LEPR: variants seen among roughly 807,000 people sequenced by gnomAD.
LEPR encodes leptin receptor, also known as OB receptor.
In LEPR, 56 loss-of-function variants were observed where a neutral mutation model predicts 114.7. The ratio of observed to expected loss-of-function variants is 0.49; its 90% CI spans 0.39 to 0.61. LEPR has a LOEUF of 0.61. Ranked by LOEUF, LEPR falls within the 20% of genes least tolerant of loss-of-function variation. LEPR has a pLI of 0.00. For missense variants in LEPR, 1,202 were observed against 1,352.9 expected, an observed-to-expected ratio of 0.89 and a Z score of 1.75; for synonymous variants, 443 against 461.4, an observed-to-expected ratio of 0.96 and a Z score of 0.51.
intron 2 of LEPR, among the ~76,000 whole-genome samples, chr1:65,457,310 CCTT>C (rs1237208541): frequency 1.3e-5 from 2 of 152,030 alleles, no homozygotes; most frequent in Non-Finnish European, 2.9e-5. Context: ...ACTTTCTTCT[CCTT>C]CTGTATTCAT....
chr1:65,638,851 G>C lies in LEPR; in HGVS notation c.*1836G>C, dbSNP rs1660486540. 1 of 152,144 alleles carries C rather than the reference G, an allele frequency of 6.6e-6. No individual in the cohort carries two copies. The highest frequency in any genetic ancestry group is 2.4e-5 in the African/African-American group (1 of 41,424). 9.4% of individuals were successfully genotyped at this position (152,144 alleles called of 1,614,324 possible). On this transcript the variant is annotated 3_prime_UTR_variant, in exon 20 of 20. Coordinates refer to ENST00000349533, the MANE Select transcript of LEPR (RefSeq NM_002303.6). ...GCCTTAGTTCTATGCAAAGATAAATGGAGAAGCGTTTTTTTCATGGATAAT... is the reference window on the plus strand; with the variant it reads ...GCCTTAGTTCTATGCAAAGATAAATCGAGAAGCGTTTTTTTCATGGATAAT...
At chr1:65,568,501 AGT>A (rs35333524) in intron 3 of LEPR, among the ~76,000 whole-genome samples, 32,470 of 147,982 alleles carry the variant, frequency 0.22, 3,682 homozygotes, top group South Asian at 0.3. Context: ...ATGGTGTGTG[AGT>A]GTGTGTGTGT....
At chr1:65,425,246 C>T in intron 1 of LEPR, 57 bp from the exon 2 acceptor site, 1 of 1,485,304 alleles carries the variant, frequency 6.7e-7, no homozygotes, top group South Asian at 1.2e-5. Context: ...CCCAAACCCT[C>T]TAGTGCCTGA....
chr1:65,550,954 A>C (rs1395924207), intron 2 of LEPR, among the ~76,000 whole-genome samples: 1 of 151,770 alleles, frequency 6.6e-6, no homozygotes, highest in Non-Finnish European at 1.5e-5. Context: ...CTATTCGGCC[A>C]CCTTGGCTCC....
At chr1:65,420,763 C>G (rs747963440) in intron 1 of LEPR, 23 bp downstream of exon 1, 2 of 1,576,738 alleles carry the variant, frequency 1.3e-6, no homozygotes, top group South Asian at 2.3e-5. Context: ...CCCCGGCTCG[C>G]TTGTCGTGTG....
chr1:65,537,441 A>G (rs1018558103), intron 2 of LEPR, among the ~76,000 whole-genome samples: 1 of 152,072 alleles, frequency 6.6e-6, no homozygotes, highest in East Asian at 1.9e-4. Flanking sequence ...GCTAAATTGT[A>G]TGTTTATACT....
Position 65,622,923 on chromosome 1 carries a change from G to A in LEPR, c.2615G>A (p.Trp872Ter). Residue 872 changes from tryptophan (W) to a stop codon, truncating the protein, a stop_gained, in exon 19 of 20, where the codon TGG (tryptophan) becomes TAG (stop). Coordinates refer to ENST00000349533, the MANE Select transcript of LEPR (RefSeq NM_002303.6). LOFTEE classifies it high-confidence loss of function. ...ISHQRMKKLF[W>*]EDVPNPKNCS... is the part of the protein sequence containing the mutation. ...CTTTGTAGAATGAAAAAGCTATTTTGGGAAGATGTTCCGAACCCCAAGAAT... is the reference window on the plus strand; with the variant it reads ...CTTTGTAGAATGAAAAAGCTATTTTAGGAAGATGTTCCGAACCCCAAGAAT... The A allele has an allele frequency of 6.2e-7, 1 of 1,613,900 alleles. No homozygotes were observed. Among genetic ancestry groups the A allele is most frequent in the Non-Finnish European group, 8.5e-7 (1 of 1,179,922 alleles).
chr1:65,542,546 G>T (rs971099696), intron 2 of LEPR, among the ~76,000 whole-genome samples: 1 of 151,354 alleles, frequency 6.6e-6, no homozygotes, highest in Non-Finnish European at 1.5e-5. Context: ...CACATGCCAC[G>T]GTGGTTTGCT....
intron 2 of LEPR, among the ~76,000 whole-genome samples, chr1:65,506,632 T>C (rs186422301): frequency 1.3e-5 from 2 of 152,300 alleles, no homozygotes; most frequent in Non-Finnish European, 2.9e-5. Flanking sequence ...CTGGGAACTT[T>C]TTTTTTCCTC....
chr1:65,627,263 T>C (rs1658274336), intron 19 of LEPR, among the ~76,000 whole-genome samples: 1 of 152,214 alleles, frequency 6.6e-6, no homozygotes, highest in African/African-American at 2.4e-5. Flanking sequence ...TTAAAAATAG[T>C]TCAAATGGTA....
chr1:65,481,671 A>G (rs2100453886), intron 2 of LEPR, among the ~76,000 whole-genome samples: 2 of 152,188 alleles, frequency 1.3e-5, no homozygotes, highest in Middle Eastern at 3.4e-3. Flanking sequence ...CAGACTTTAT[A>G]TTATTTAAAA....
chr1:65,531,109 A>T (rs1650364233), intron 2 of LEPR, among the ~76,000 whole-genome samples: 1 of 152,148 alleles, frequency 6.6e-6, no homozygotes. Flanking sequence ...GCCCTACCTG[A>T]TCATTCTGCT....
chr1:65,605,593 T>C (rs1656756451), intron 11 of LEPR, among the ~76,000 whole-genome samples: 1 of 152,184 alleles, frequency 6.6e-6, no homozygotes, highest in Non-Finnish European at 1.5e-5. Context: ...TCCAAACGTT[T>C]AATTTGAATA....
chr1:65,579,963 T>C (rs1198187497), intron 5 of LEPR, among the ~76,000 whole-genome samples: 1 of 152,140 alleles, frequency 6.6e-6, no homozygotes. Flanking sequence ...TTAGGTAAAT[T>C]AGGTAGATTT....
chr1:65,573,321 G>A lies in LEPR; in HGVS notation c.494+872G>A, dbSNP rs975850035. On this transcript the variant is annotated intron_variant, in intron 5 of 19. Transcript: ENST00000349533. ...TACAAAGATATTGCAGGTATAGGTGGGCATGTAGTCTGAAAGAAGAGTGAA... is the reference window on the plus strand; with the variant it reads ...TACAAAGATATTGCAGGTATAGGTGAGCATGTAGTCTGAAAGAAGAGTGAA... 7.9e-5 allele frequency among the ~76,000 whole-genome samples: 12 copies of A among 152,260 alleles called. 1 individual carries two copies. In the South Asian group the frequency reaches 1.0e-3, roughly 13 times the overall value.
At chr1:65,579,569 T>A (rs540272344) in intron 5 of LEPR, among the ~76,000 whole-genome samples, 1 of 152,320 alleles carries the variant, frequency 6.6e-6, no homozygotes, top group Admixed American at 6.5e-5. Context: ...CAAAATAGGC[T>A]TTAGCTCAGA....
At chr1:65,535,220 C>T (rs1167942960) in intron 2 of LEPR, among the ~76,000 whole-genome samples, 1 of 151,324 alleles carries the variant, frequency 6.6e-6, no homozygotes, top group Non-Finnish European at 1.5e-5. Flanking sequence ...ATTGTAGTTG[C>T]TGTTATAGTA....
At chr1:65,528,570 TTATA>T (rs1354357415) in intron 2 of LEPR, among the ~76,000 whole-genome samples, 1 of 151,984 alleles carries the variant, frequency 6.6e-6, no homozygotes, top group Non-Finnish European at 1.5e-5. Context: ...ACTACAAATC[TTATA>T]TAAATATAAA....
intron 2 of LEPR, among the ~76,000 whole-genome samples, chr1:65,487,146 AC>A (rs1647534217): frequency 6.6e-6 from 1 of 152,126 alleles, no homozygotes; most frequent in African/African-American, 2.4e-5. Flanking sequence ...TTGCTCATTC[AC>A]CCATTCATTC....
Sources: allele counts gnomAD v4.1 joint callset (sites outside exome capture counted in the v4.1 genomes callset), GRCh38; gene constraint gnomAD v4.1.1; transcripts MANE v1.5; gene names NCBI Gene and HGNC (gene_info 2026-07-23, HGNC 2026-07-21).